Variants in SGMS1 observed in about 807,000 individuals in gnomAD.
The protein encoded by SGMS1 is sphingomyelin synthase 1, also known as phosphatidylcholine:ceramide cholinephosphotransferase 1.
SGMS1 carries 13 observed loss-of-function variants against 46.2 expected under a neutral mutation model. The observed-to-expected ratio is 0.28, with a 90% confidence interval of 0.18 to 0.45. The LOEUF (loss-of-function observed/expected upper bound fraction) is 0.45, where lower values mean the gene tolerates loss of function less well. Ranked by LOEUF, SGMS1 falls within the 20% of genes least tolerant of loss-of-function variation. The probability of loss-of-function intolerance (pLI) is 1.00; values close to 1 mark genes in which losing one functional copy is unlikely to be tolerated. For missense variants in SGMS1, 324 were observed against 519.9 expected, an observed-to-expected ratio of 0.62 and a Z score of 3.66; for synonymous variants, 203 against 187.8, an observed-to-expected ratio of 1.08 and a Z score of -0.66.
intron 2 of SGMS1, among the ~76,000 whole-genome samples, chr10:50,528,169 G>A (rs1258499833): frequency 6.6e-6 from 1 of 152,146 alleles, no homozygotes; most frequent in Non-Finnish European, 1.5e-5. Flanking sequence ...ATACATTGTG[G>A]ATTCATTTAT....
intron 6 of SGMS1, among the ~76,000 whole-genome samples, chr10:50,405,295 A>G (rs1848997311): frequency 6.6e-6 from 1 of 152,216 alleles, no homozygotes; most frequent in Non-Finnish European, 1.5e-5. Flanking sequence ...ATCCCAAAAT[A>G]TATTTACCAA....
chr10:50,326,155 AAAAAAATTAAAAAAATT>A (rs1433531278), intron 8 of SGMS1, among the ~76,000 whole-genome samples: 36 of 149,702 alleles, frequency 2.4e-4, no homozygotes, highest in Non-Finnish European at 4.4e-4. Flanking sequence ...GCAAAAAATA[AAAAAAATTAAAAAAATT>A]AAAAAATTAA....
At chr10:50,562,337 A>AGTGTGT (rs758431447) in intron 2 of SGMS1, among the ~76,000 whole-genome samples, 39 of 132,358 alleles carry the variant, frequency 2.9e-4, no homozygotes, top group African/African-American at 1.1e-3. Context: ...ACACTCTCTG[A>AGTGTGT]GTGTGTGTGT....
intron 2 of SGMS1, among the ~76,000 whole-genome samples, chr10:50,573,460 C>T (rs182917681): frequency 2.3e-4 from 35 of 152,216 alleles, no homozygotes; most frequent in African/African-American, 7.7e-4. Context: ...GAATAAAATA[C>T]TTAGAAATAA....
intron 3 of SGMS1, among the ~76,000 whole-genome samples, chr10:50,504,282 T>A (rs1837686609): frequency 6.6e-6 from 1 of 152,178 alleles, no homozygotes; most frequent in Non-Finnish European, 1.5e-5. Flanking sequence ...CCTGAGAATC[T>A]ATATTTTTAA....
At chr10:50,518,036 A>C (rs1365007349) in intron 3 of SGMS1, among the ~76,000 whole-genome samples, 1 of 152,210 alleles carries the variant, frequency 6.6e-6, no homozygotes, top group East Asian at 1.9e-4. Context: ...GGATAGAAGA[A>C]AGGAAGAGGA....
intron 6 of SGMS1, chr10:50,418,448 G>T (rs1298673542): frequency 6.6e-6 from 1 of 152,328 alleles, no homozygotes; most frequent in Admixed American, 6.5e-5. Flanking sequence ...TGGAATGCAG[G>T]GTGTGGCCCT....
chr10:50,325,004 G>A lies in SGMS1; in HGVS notation c.741+2201C>T, dbSNP rs571252874. Among the ~76,000 whole-genome samples, 9 of 152,268 alleles carry A rather than the reference G, an allele frequency of 5.9e-5. No individual in the cohort carries two copies. The South Asian group carries it at 1.2e-3, about 21-fold the overall frequency. On this transcript the variant is annotated intron_variant, in intron 8 of 10. Coordinates refer to ENST00000361781, the MANE Select transcript of SGMS1 (RefSeq NM_147156.4). ...AGCATTTTAAGACAATCAGGATATCGCATCAACTTGTAATTGCTGATATCA... is the reference window on the plus strand; with the variant it reads ...AGCATTTTAAGACAATCAGGATATCACATCAACTTGTAATTGCTGATATCA...
intron 6 of SGMS1, among the ~76,000 whole-genome samples, chr10:50,353,872 C>T (rs889468974): frequency 1.3e-5 from 2 of 152,176 alleles, no homozygotes; most frequent in African/African-American, 4.8e-5. Context: ...CCTAGGAATC[C>T]AACTTACAAG....
chr10:50,615,974 C>T (rs1838792797), intron 1 of SGMS1, among the ~76,000 whole-genome samples: 1 of 152,172 alleles, frequency 6.6e-6, no homozygotes, highest in African/African-American at 2.4e-5. Context: ...TGAAACCCAA[C>T]AAAACTAGGC....
At chr10:50,463,673 G>C (rs1002283283) in intron 4 of SGMS1, among the ~76,000 whole-genome samples, 2 of 152,122 alleles carry the variant, frequency 1.3e-5, no homozygotes, top group Non-Finnish European at 2.9e-5. Flanking sequence ...GCTCACTTCT[G>C]GTATGCATCT....
chr10:50,397,878 G>A (rs780193542), intron 6 of SGMS1, among the ~76,000 whole-genome samples: 2 of 152,158 alleles, frequency 1.3e-5, no homozygotes, highest in African/African-American at 4.8e-5. Context: ...TGTGACCTAC[G>A]AAGGGCTGAT....
At chr10:50,563,413 A>C (rs984919840) in intron 2 of SGMS1, among the ~76,000 whole-genome samples, 1 of 152,240 alleles carries the variant, frequency 6.6e-6, no homozygotes, top group African/African-American at 2.4e-5. Flanking sequence ...ATAAAACACA[A>C]TGATACTAAA....
intron 2 of SGMS1, among the ~76,000 whole-genome samples, chr10:50,583,025 C>T (rs1307287512): frequency 2.0e-5 from 3 of 152,200 alleles, no homozygotes; most frequent in African/African-American, 4.8e-5. Flanking sequence ...GAGAGGCTAG[C>T]GTGCATGAGG....
intron 6 of SGMS1, among the ~76,000 whole-genome samples, chr10:50,354,857 A>G (rs1196892787): frequency 1.3e-5 from 2 of 152,202 alleles, no homozygotes; most frequent in Non-Finnish European, 1.5e-5. Flanking sequence ...ATCATCACTG[A>G]CCATCAGAGA....
intron 2 of SGMS1, among the ~76,000 whole-genome samples, chr10:50,528,770 G>A (rs1383528536): frequency 1.3e-5 from 2 of 152,150 alleles, no homozygotes; most frequent in Admixed American, 1.3e-4. Flanking sequence ...TGAGGTGAGA[G>A]AATAGCTTGA....
chr10:50,467,261 A>G (rs1837338891), intron 3 of SGMS1, among the ~76,000 whole-genome samples: 1 of 152,176 alleles, frequency 6.6e-6, no homozygotes, highest in African/African-American at 2.4e-5. Flanking sequence ...AATAACTGCT[A>G]ACTGACAATA....
chr10:50,567,580 C>T (rs1427749246), intron 2 of SGMS1, among the ~76,000 whole-genome samples: 1 of 152,212 alleles, frequency 6.6e-6, no homozygotes, highest in East Asian at 1.9e-4. Context: ...GCAGCAGCTG[C>T]TCCTATTATA....
At chr10:50,519,177 G>T (rs755904076) in intron 3 of SGMS1, among the ~76,000 whole-genome samples, 18 of 152,150 alleles carry the variant, frequency 1.2e-4, no homozygotes, top group Non-Finnish European at 2.1e-4. Flanking sequence ...ATTGTTTGGA[G>T]ATTATATATA....
Sources: allele counts gnomAD v4.1 joint callset (sites outside exome capture counted in the v4.1 genomes callset), GRCh38; gene constraint gnomAD v4.1.1; transcripts MANE v1.5; gene names NCBI Gene and HGNC (gene_info 2026-07-23, HGNC 2026-07-21).